The following RASGRF2 variants were observed in gnomAD, a reference collection of about 807,000 sequenced individuals.
RASGRF2 encodes Ras protein specific guanine nucleotide releasing factor 2, also known as ras-specific guanine nucleotide-releasing factor 2.
In RASGRF2, 76 loss-of-function variants were observed where a neutral mutation model predicts 151.0. That is an observed-to-expected ratio of 0.50 (90% CI 0.42 to 0.61). RASGRF2 has a LOEUF of 0.61. Among genes scored for constraint, RASGRF2 ranks in the 20% least tolerant of loss-of-function variants. The pLI, the probability that RASGRF2 is intolerant of heterozygous loss-of-function variation, is 0.00. For missense variants in RASGRF2, 1,148 were observed against 1,564.6 expected, an observed-to-expected ratio of 0.73 and a Z score of 4.49; for synonymous variants, 504 against 566.5, an observed-to-expected ratio of 0.89 and a Z score of 1.57.
At chr5:81,123,899 C>A in intron 16 of RASGRF2, 132 bp downstream of exon 16, 1 of 1,210,976 alleles carries the variant, frequency 8.3e-7, no homozygotes, top group Non-Finnish European at 1.1e-6. Flanking sequence ...TAATTGGAAG[C>A]AAATACAGTC....
chr5:81,000,496 G>A (rs1219680217), intron 1 of RASGRF2, among the ~76,000 whole-genome samples: 1 of 152,126 alleles, frequency 6.6e-6, no homozygotes, highest in African/African-American at 2.4e-5. Context: ...ACCCACCTCG[G>A]CTTCCCAAAG....
intron 12 of RASGRF2, among the ~76,000 whole-genome samples, chr5:81,099,410 G>A (rs2112515005): frequency 6.6e-6 from 1 of 152,272 alleles, no homozygotes; most frequent in South Asian, 2.1e-4. Context: ...TTCCAAGTTT[G>A]AGGATTAATA....
At chr5:81,193,767 C>G (rs1755201106) in intron 18 of RASGRF2, among the ~76,000 whole-genome samples, 1 of 152,210 alleles carries the variant, frequency 6.6e-6, no homozygotes, top group Non-Finnish European at 1.5e-5. Flanking sequence ...ATTCACCCGC[C>G]TCAGCCTCCC....
intron 26 of RASGRF2, chr5:81,223,320 A>G (rs1474101933): frequency 6.6e-6 from 1 of 152,212 alleles, no homozygotes; most frequent in African/African-American, 2.4e-5. Flanking sequence ...CCTACCAGTT[A>G]TGGCCACATC....
At chr5:81,134,079 CGTGTGTGTGTGT>C (rs139770057) in intron 17 of RASGRF2, among the ~76,000 whole-genome samples, 1 of 143,702 alleles carries the variant, frequency 7.0e-6, no homozygotes, top group South Asian at 2.3e-4. Context: ...TGCTTGTGTG[CGTGTGTGTGTGT>C]GTGTGTGTGT....
chr5:81,139,882 C>T (rs1465731230), intron 17 of RASGRF2, among the ~76,000 whole-genome samples: 1 of 152,116 alleles, frequency 6.6e-6, no homozygotes, highest in Non-Finnish European at 1.5e-5. Flanking sequence ...TCATGGAGTA[C>T]AGTGACACAA....
At chr5:80,969,600 C>G (rs1017425688) in intron 1 of RASGRF2, among the ~76,000 whole-genome samples, 1 of 151,118 alleles carries the variant, frequency 6.6e-6, no homozygotes, top group Non-Finnish European at 1.5e-5. Context: ...AGGCACCCGC[C>G]ACCACGCCCG....
rs1001281345 is a variant in RASGRF2 at position 80,960,411 on chromosome 5, G to T, written c.-328G>T. Among the ~76,000 whole-genome samples the T allele has an allele frequency of 2.0e-5, 3 of 150,892 alleles. No individual in the cohort carries two copies. The highest frequency in any genetic ancestry group is 7.3e-5 in the African/African-American group (3 of 41,304). On this transcript the variant is annotated 5_prime_UTR_variant, in exon 1 of 27. Transcript: ENST00000265080. This position sits in a 1 kb window ranked among gnomAD's most constrained non-coding sequence, Gnocchi z 5.5. ...AGCCCGCCGCGGGGGCTCGGCTCCCGCAACTTTGGGCGAAGCGGCGGCCGG... is the reference window on the plus strand; with the variant it reads ...AGCCCGCCGCGGGGGCTCGGCTCCCTCAACTTTGGGCGAAGCGGCGGCCGG...
chr5:81,161,180 G>A (rs980442751), intron 17 of RASGRF2, among the ~76,000 whole-genome samples: 1 of 152,202 alleles, frequency 6.6e-6, no homozygotes. Context: ...CACCGGGTCT[G>A]AGCCTCAGAT....
chr5:81,201,484 T>C (rs1306582625), intron 19 of RASGRF2, 42 bp downstream of exon 19: 1 of 1,580,876 alleles, frequency 6.3e-7, no homozygotes. Flanking sequence ...CATTGGTTGA[T>C]TCCTGCTATG....
chr5:81,121,219 A>G (rs1382839241), intron 15 of RASGRF2, among the ~76,000 whole-genome samples: 1 of 152,206 alleles, frequency 6.6e-6, no homozygotes, highest in Non-Finnish European at 1.5e-5. Context: ...AATTTGAAAG[A>G]TGTTTGCGTG....
At chr5:80,975,221 T>C (rs539806210) in intron 1 of RASGRF2, among the ~76,000 whole-genome samples, 1 of 152,164 alleles carries the variant, frequency 6.6e-6, no homozygotes, top group South Asian at 2.1e-4. Context: ...TCCCTGAGTG[T>C]CAGACTCACT....
At chr5:81,060,230 A>G (rs1168047036) in intron 2 of RASGRF2, among the ~76,000 whole-genome samples, 1 of 152,090 alleles carries the variant, frequency 6.6e-6, no homozygotes, top group East Asian at 1.9e-4. Flanking sequence ...TGGGTGTGAC[A>G]CAGATCTAAA....
chr5:81,219,811 A>G, intron 26 of RASGRF2, 33 bp downstream of exon 26: 2 of 1,501,066 alleles, frequency 1.3e-6, no homozygotes, highest in Non-Finnish European at 9.2e-7. Context: ...AAATTAATAA[A>G]GAAAAAAGGG....
chr5:81,018,575 G>A (rs1237387032), intron 1 of RASGRF2, among the ~76,000 whole-genome samples: 1 of 151,984 alleles, frequency 6.6e-6, no homozygotes, highest in Non-Finnish European at 1.5e-5. Flanking sequence ...TAAATTCAGA[G>A]CAAACATTAG....
chr5:81,152,076 A>AAGGG (rs1754150047), intron 17 of RASGRF2, among the ~76,000 whole-genome samples: 1 of 152,198 alleles, frequency 6.6e-6, no homozygotes, highest in Middle Eastern at 3.4e-3. Context: ...ATCTCGGCTC[A>AAGGG]CTGCAACCTC....
chr5:81,151,891 T>A (rs987458161), intron 17 of RASGRF2, among the ~76,000 whole-genome samples: 16 of 152,240 alleles, frequency 1.1e-4, no homozygotes, highest in African/African-American at 3.9e-4. Flanking sequence ...TCTTGATTAC[T>A]TTTTAGACAC....
At chr5:81,167,434 T>C (rs2112651079) in intron 17 of RASGRF2, among the ~76,000 whole-genome samples, 1 of 152,296 alleles carries the variant, frequency 6.6e-6, no homozygotes, top group East Asian at 1.9e-4. Context: ...TTGTTAAAAT[T>C]TGCAATCATC....
intron 1 of RASGRF2, among the ~76,000 whole-genome samples, chr5:80,993,640 G>A (rs776045529): frequency 1.3e-5 from 2 of 152,196 alleles, no homozygotes; most frequent in Admixed American, 1.3e-4. Flanking sequence ...GCCTAGTGCA[G>A]TGCCCAGGGC....
Sources: gnomAD v4.1 joint callset for allele counts (sites outside exome capture counted in the v4.1 genomes callset) on GRCh38, gnomAD v4.1.1 for gene constraint, Gnocchi (gnomAD v3.1) non-coding constraint, MANE v1.5 for transcripts, NCBI Gene and HGNC (gene_info 2026-07-23, HGNC 2026-07-21) for gene names.